NPRL3: variants seen among roughly 807,000 people sequenced by gnomAD.
NPRL3 encodes the protein NPR3 like, GATOR1 complex subunit.
NPRL3 carries 23 observed loss-of-function variants against 57.2 expected under a neutral mutation model. That is an observed-to-expected ratio of 0.40 (90% CI 0.29 to 0.57). The LOEUF is 0.57. Ranked by LOEUF, NPRL3 falls within the 20% of genes least tolerant of loss-of-function variation. NPRL3 has a pLI of 0.42. For missense variants in NPRL3, 691 were observed against 767.1 expected (o/e 0.90, Z 1.17); for synonymous variants, 333 against 321.1 (o/e 1.04, Z -0.39).
In NPRL3 at chr16:112,788, G is replaced by C. The variant is rs376971014; in HGVS notation, c.394-13C>G. On this transcript the variant is annotated splice_polypyrimidine_tract_variant and intron_variant, in intron 5 of 13. Coordinates refer to ENST00000611875, the MANE Select transcript of NPRL3 (RefSeq NM_001077350.3). The stretch of plus-strand genomic sequence containing the variant: ...GGTCTGCGTTGGCCTGCAGGAGAGA[G>C]ACCATACACAGACTCAAACGTGTGC... 240 of 1,573,592 alleles carry C rather than the reference G, an allele frequency of 1.5e-4. 1 individual carries two copies. Among genetic ancestry groups the C allele is most frequent in the South Asian group, 7.4e-4 (65 of 87,410 alleles).
chr16:85,839 C>G lies in NPRL3; in HGVS notation c.*866G>C. 5 of 1,412,630 alleles carry G rather than the reference C, an allele frequency of 3.5e-6. No homozygotes were observed. Among genetic ancestry groups the G allele is most frequent in the Non-Finnish European group, 4.6e-6 (5 of 1,080,340 alleles). The allele number at this position is 1,412,630 out of a possible 1,614,324, so 87.5% of individuals were successfully genotyped here. ...TAAAAACCGAATAAATGTTTTATTT[C>G]TAGAAAACTGTGCCTTAGCCAGAGC... is the stretch of plus-strand genomic sequence containing the variant. On this transcript the variant is annotated 3_prime_UTR_variant, in exon 14 of 14. Coordinates refer to ENST00000611875, the MANE Select transcript of NPRL3 (RefSeq NM_001077350.3).
intron 5 of NPRL3, among the ~76,000 whole-genome samples, chr16:115,490 C>CTT (rs11441743): frequency 0.086 from 12,489 of 144,918 alleles, 1,650 homozygotes; most frequent in African/African-American, 0.28. Context: ...TTTCCTGTTG[C>CTT]TTTTTTTTTT....
chr16:130,478 G>A (rs1900737159), intron 3 of NPRL3, 44 bp downstream of exon 3: 2 of 1,529,646 alleles, frequency 1.3e-6, no homozygotes, highest in Non-Finnish European at 1.8e-6. Context: ...CCCAGGCCTG[G>A]GACCAGGACA....
In NPRL3 at chr16:119,171, C is replaced by T. The variant is rs1427607213; in HGVS notation, c.273G>A (p.Val91=). 6.8e-6 allele frequency: 11 copies of T among 1,613,224 alleles called. No individual in the cohort carries two copies. The highest frequency in any genetic ancestry group is 1.3e-5 in the African/African-American group (1 of 74,942). ...GCAGTGTTGGGTGCCCAACAAATCG[C>T]ACATTATCAATCTTCAGTTCAAATT... ...GQKFELKIDN[V]RFVGHPTLLQ... The change falls in exon 4 of 14, where the codon GTG becomes GTA. Residue 91 remains valine (V), a synonymous_variant. Transcript: ENST00000611875.
At chr16:90,189 G>A in intron 11 of NPRL3, 1 of 414,012 alleles carries the variant, frequency 2.4e-6, no homozygotes, top group South Asian at 3.1e-5. Flanking sequence ...CAGGACCTGA[G>A]ACGTGGAGGC....
At chr16:99,270 T>C (rs571460961) in intron 8 of NPRL3, among the ~76,000 whole-genome samples, 81 of 152,310 alleles carry the variant, frequency 5.3e-4, no homozygotes, top group African/African-American at 1.9e-3. Flanking sequence ...TATATTTTTA[T>C]AATTAAAAAA....
rs577949063 is a variant in NPRL3, at chr16:92,608, G to A, written c.1149C>T (p.Pro383=). 2.3e-5 allele frequency: 37 copies of A among 1,613,088 alleles called. No homozygotes were observed. The Admixed American group carries it at 2.8e-4, about 12-fold the overall frequency. ...TTCTGTGACTCACCTCCTGCACAGC[G>A]GGGGCCAGGGGATTCCTAAATTCTG... ...SLSEFRNPLA[P]AVQETQLIQM... is the part of the protein sequence containing the mutation. The change falls in exon 11 of 14, where the codon CCC becomes CCT. Residue 383 remains proline (P), a synonymous_variant. Transcript: ENST00000611875.
At chr16:106,470 A>C (rs974018577) in intron 7 of NPRL3, among the ~76,000 whole-genome samples, 33 of 151,964 alleles carry the variant, frequency 2.2e-4, no homozygotes, top group African/African-American at 7.7e-4. Context: ...CCATTTCCAC[A>C]AAAAAATACA....
intron 5 of NPRL3, among the ~76,000 whole-genome samples, chr16:116,046 C>T (rs1384446283): frequency 2.0e-5 from 3 of 152,240 alleles, no homozygotes; most frequent in African/African-American, 4.8e-5. Context: ...ATACTCCTAA[C>T]AGTGGGACTG....
In NPRL3 at chr16:86,014, C is replaced by T; in HGVS notation, c.*691G>A. ...AAGCCCCCGAGGGTGGGGTCCTGCA[C>T]AGTGGGCCATGCCTCCACCAGCAAG... is the stretch of plus-strand genomic sequence containing the variant. On this transcript the variant is annotated 3_prime_UTR_variant, in exon 14 of 14. Coordinates refer to ENST00000611875, the MANE Select transcript of NPRL3 (RefSeq NM_001077350.3). 3 of 426,796 alleles carry T rather than the reference C, an allele frequency of 7.0e-6. No individual in the cohort carries two copies. The highest frequency in any genetic ancestry group is 7.4e-5 in the East Asian group (2 of 27,066). The allele number at this position is 426,796 out of a possible 1,614,324, so 26.4% of individuals were successfully genotyped here.
At position 86,697 on chromosome 16, in the gene NPRL3, G is replaced by T. The variant is rs773919262; in HGVS notation, c.*8C>A. 3.2e-6 allele frequency: 5 copies of T among 1,546,450 alleles called. No homozygotes were observed. The African/African-American group carries it at 4.1e-5, about 13-fold the overall frequency. ...GCACCCCAGCAGCCTTCCGCCCTCC[G>T]CCTGGGCTCAGGGGAGCAGAGCCTG... On this transcript the variant is annotated 3_prime_UTR_variant, in exon 14 of 14. Transcript: ENST00000611875.
rs544816530 is a variant in NPRL3 at position 108,431 on chromosome 16, C to A, written c.629+2094G>T. 5.4e-4 allele frequency among the ~76,000 whole-genome samples: 82 copies of A among 152,080 alleles called. 1 individual carries two copies. The highest frequency in any genetic ancestry group is 1.8e-3 in the African/African-American group (76 of 41,436). On this transcript the variant is annotated intron_variant, in intron 7 of 13. Coordinates refer to ENST00000611875, the MANE Select transcript of NPRL3 (RefSeq NM_001077350.3). The stretch of plus-strand genomic sequence containing the variant: ...GTGTGTTGCTGGTGGGACAGAGGTA[C>A]AAACCCCTGAGAAGGAAACACAACA...
At chr16:108,372 C>T (rs1596517502) in intron 7 of NPRL3, among the ~76,000 whole-genome samples, 1 of 152,002 alleles carries the variant, frequency 6.6e-6, no homozygotes, top group Non-Finnish European at 1.5e-5. Context: ...TCACGAGACT[C>T]GATGTTGGCA....
At chr16:127,464 G>T (rs376322519) in intron 3 of NPRL3, among the ~76,000 whole-genome samples, 2 of 151,930 alleles carry the variant, frequency 1.3e-5, no homozygotes, top group East Asian at 1.9e-4. Flanking sequence ...CAAACATCTG[G>T]CCTCAAGTGA....
chr16:105,173 C>A (rs1161374812), intron 7 of NPRL3, among the ~76,000 whole-genome samples: 1 of 152,210 alleles, frequency 6.6e-6, no homozygotes, highest in African/African-American at 2.4e-5. Context: ...AGCCAAAGCC[C>A]TGCATCCTGA....
intron 3 of NPRL3, chr16:126,978 C>A (rs1207702666): frequency 3.3e-5 from 5 of 152,194 alleles, no homozygotes; most frequent in Non-Finnish European, 7.3e-5. Flanking sequence ...TCAAGCAATC[C>A]TCTCACCTCA....
In NPRL3 at chr16:98,850, A is replaced by G. The variant is rs143436921; in HGVS notation, c.768-549T>C. ...CTACTCGGCAGGCTGAGGCAGGAGA[A>G]TCACTTGAGCCTGGGAGGCGGAGCT... is the stretch of plus-strand genomic sequence containing the variant. On this transcript the variant is annotated intron_variant, in intron 8 of 13. Transcript: ENST00000611875. 4.3e-3 allele frequency among the ~76,000 whole-genome samples: 651 copies of G among 152,320 alleles called. 4 individuals are homozygous for G. Among genetic ancestry groups the G allele is most frequent in the African/African-American group, 0.015 (610 of 41,576 alleles).
chr16:108,289 G>T (rs551589236), intron 7 of NPRL3, among the ~76,000 whole-genome samples: 25 of 152,314 alleles, frequency 1.6e-4, no homozygotes, highest in Middle Eastern at 3.4e-3. Flanking sequence ...GTGAAGAGAT[G>T]CATCAGTGCA....
chr16:122,808 C>A (rs1596531848), intron 3 of NPRL3, among the ~76,000 whole-genome samples: 1 of 152,210 alleles, frequency 6.6e-6, no homozygotes, highest in Admixed American at 6.5e-5. Context: ...TTCTGCTCCC[C>A]CCACCCACCT....
Sources: allele counts gnomAD v4.1 joint callset (sites outside exome capture counted in the v4.1 genomes callset), GRCh38; gene constraint gnomAD v4.1.1; transcripts MANE v1.5; gene names NCBI Gene and HGNC (gene_info 2026-07-23, HGNC 2026-07-21).